Variants in WWOX observed in about 807,000 individuals in gnomAD.
WWOX encodes WW domain-containing oxidoreductase.
WWOX carries 69 observed loss-of-function variants against 46.2 expected under a neutral mutation model. The ratio of observed to expected loss-of-function variants is 1.49; its 90% CI spans 1.23 to 1.82. The LOEUF (loss-of-function observed/expected upper bound fraction) is 1.82, where lower values mean the gene tolerates loss of function less well. Among genes scored for constraint, WWOX ranks in the 40% most tolerant of loss-of-function variants. The pLI, the probability that WWOX is intolerant of heterozygous loss-of-function variation, is 0.00. For missense variants in WWOX, 919 were observed against 542.6 expected (o/e 1.69, Z -6.89); for synonymous variants, 359 against 202.6 (o/e 1.77, Z -6.56).
intron 6 of WWOX, among the ~76,000 whole-genome samples, chr16:78,419,712 A>G (rs892530458): frequency 5.3e-5 from 8 of 151,114 alleles, no homozygotes; most frequent in Non-Finnish European, 8.9e-5. Flanking sequence ...ACATAGGGGT[A>G]TATTTTTCTG....
intron 8 of WWOX, among the ~76,000 whole-genome samples, chr16:78,802,945 A>AAAAAAAAAAAAAAAAAT (rs1567570853): frequency 4.2e-5 from 1 of 24,022 alleles, no homozygotes; most frequent in Non-Finnish European, 1.2e-4. Flanking sequence ...AAAAAAAACA[A>AAAAAAAAAAAAAAAAAT]CAAACAGAAA....
intron 8 of WWOX, among the ~76,000 whole-genome samples, chr16:78,501,072 G>C (rs187138016): frequency 3.3e-5 from 5 of 152,104 alleles, no homozygotes; most frequent in African/African-American, 1.2e-4. Context: ...ATGTTGGGCA[G>C]GGCAGAGGGT....
intron 8 of WWOX, among the ~76,000 whole-genome samples, chr16:79,068,961 G>A (rs1200054715): frequency 6.6e-6 from 1 of 152,150 alleles, no homozygotes; most frequent in African/African-American, 2.4e-5. Flanking sequence ...TTTCACAGTT[G>A]TCTTACGCAC....
intron 8 of WWOX, among the ~76,000 whole-genome samples, chr16:78,587,124 C>A (rs1408306098): frequency 2.0e-5 from 3 of 151,040 alleles, no homozygotes; most frequent in Admixed American, 2.0e-4. Context: ...CTCCCAGGCT[C>A]AACCTATCCT....
chr16:78,672,348 G>A (rs2047485635), intron 8 of WWOX, among the ~76,000 whole-genome samples: 1 of 152,172 alleles, frequency 6.6e-6, no homozygotes, highest in African/African-American at 2.4e-5. Flanking sequence ...TGTTAACTTT[G>A]CACTCTATAG....
intron 8 of WWOX, among the ~76,000 whole-genome samples, chr16:78,515,209 G>T (rs1307306518): frequency 6.6e-6 from 1 of 152,186 alleles, no homozygotes; most frequent in Non-Finnish European, 1.5e-5. Context: ...AGGCGACAGA[G>T]CGAGACCCTG....
At chr16:78,758,937 CAA>C (rs56184923) in intron 8 of WWOX, among the ~76,000 whole-genome samples, 7 of 90,154 alleles carry the variant, frequency 7.8e-5, no homozygotes, top group East Asian at 3.2e-4. Flanking sequence ...CCACAAAAGA[CAA>C]AAAAAAAAAA....
chr16:78,499,664 C>A (rs2085010347), intron 8 of WWOX, among the ~76,000 whole-genome samples: 1 of 152,196 alleles, frequency 6.6e-6, no homozygotes, highest in Non-Finnish European at 1.5e-5. Flanking sequence ...GACTCTCTTC[C>A]CTATTAGGCT....
At chr16:78,751,165 G>A (rs1366673144) in intron 8 of WWOX, among the ~76,000 whole-genome samples, 14 of 151,990 alleles carry the variant, frequency 9.2e-5, no homozygotes. Context: ...TGACTCAAAA[G>A]GGAATAGTAC....
intron 8 of WWOX, among the ~76,000 whole-genome samples, chr16:79,032,370 ATAAT>A (rs2047780642): frequency 6.8e-6 from 1 of 146,074 alleles, no homozygotes; most frequent in Non-Finnish European, 1.5e-5. Context: ...TATGTAATAT[ATAAT>A]ATATTCTATG....
At chr16:78,436,327 G>A (rs148870920) in intron 8 of WWOX, among the ~76,000 whole-genome samples, 2 of 152,274 alleles carry the variant, frequency 1.3e-5, no homozygotes, top group East Asian at 1.9e-4. Context: ...CCAGGTGAAG[G>A]GACCCTGGTT....
intron 5 of WWOX, among the ~76,000 whole-genome samples, chr16:78,316,649 GT>G (rs112411820): frequency 0.017 from 2,658 of 152,234 alleles, 69 homozygotes; most frequent in African/African-American, 0.06. Context: ...GGCCAAGTCT[GT>G]TTTTTAAATC....
At chr16:78,116,871 G>T (rs1215328824) in intron 4 of WWOX, among the ~76,000 whole-genome samples, 1 of 152,212 alleles carries the variant, frequency 6.6e-6, no homozygotes, top group Non-Finnish European at 1.5e-5. Context: ...ACTACTGATT[G>T]TTTTTTGTGT....
intron 5 of WWOX, among the ~76,000 whole-genome samples, chr16:78,322,890 T>G (rs1184442872): frequency 6.6e-6 from 1 of 152,176 alleles, no homozygotes; most frequent in African/African-American, 2.4e-5. Context: ...TTTTATGATT[T>G]TCATGATCAC....
intron 8 of WWOX, among the ~76,000 whole-genome samples, chr16:78,801,280 C>T (rs1303628367): frequency 3.9e-5 from 6 of 152,152 alleles, no homozygotes; most frequent in African/African-American, 1.2e-4. Context: ...GAGGCCAACG[C>T]AGGTAGATCC....
intron 8 of WWOX, among the ~76,000 whole-genome samples, chr16:78,553,491 G>A (rs1206958763): frequency 6.6e-6 from 1 of 152,052 alleles, no homozygotes; most frequent in African/African-American, 2.4e-5. Context: ...TGGTGAGGGT[G>A]TGGCTGTGAA....
At chr16:79,139,988 A>C (rs1374218750) in intron 8 of WWOX, among the ~76,000 whole-genome samples, 1 of 152,190 alleles carries the variant, frequency 6.6e-6, no homozygotes, top group Admixed American at 6.5e-5. Flanking sequence ...AAACTCTGGC[A>C]GCCGACCACA....
intron 8 of WWOX, among the ~76,000 whole-genome samples, chr16:78,756,621 G>C (rs1322449195): frequency 6.6e-6 from 1 of 152,210 alleles, no homozygotes; most frequent in Non-Finnish European, 1.5e-5. Flanking sequence ...GCTGTGTACT[G>C]ATTGGGTAAA....
chr16:78,885,100 A>G (rs558215733), intron 8 of WWOX, among the ~76,000 whole-genome samples: 111 of 152,248 alleles, frequency 7.3e-4, no homozygotes, highest in Non-Finnish European at 9.4e-4. Flanking sequence ...CAACTTCTGA[A>G]ATAACATCTC....
Sources: allele counts gnomAD v4.1 joint callset (sites outside exome capture counted in the v4.1 genomes callset), GRCh38; gene constraint gnomAD v4.1.1; transcripts MANE v1.5; gene names NCBI Gene and HGNC (gene_info 2026-07-23, HGNC 2026-07-21).